The following CYBA variants were observed in gnomAD, a reference collection of about 807,000 sequenced individuals.
The protein encoded by CYBA is cytochrome b-245 alpha chain.
In CYBA, 21 loss-of-function variants were observed where a neutral mutation model predicts 20.8. That is an observed-to-expected ratio of 1.01 (90% CI 0.72 to 1.46). CYBA has a LOEUF of 1.46. CYBA is among the 40% of genes most tolerant of loss of function. CYBA has a pLI of 0.00. For missense variants in CYBA, 344 were observed against 287.0 expected, an observed-to-expected ratio of 1.20 and a Z score of -1.43; for synonymous variants, 164 against 127.5, an observed-to-expected ratio of 1.29 and a Z score of -1.93.
At chr16:88,650,423 A>T (rs1486318380) in intron 1 of CYBA, 1 of 457,686 alleles carries the variant, frequency 2.2e-6, no homozygotes, top group Non-Finnish European at 4.4e-6. Flanking sequence ...CAGGGCCGTC[A>T]CTGGGTGGTT....
At position 88,646,784 on chromosome 16, in the gene CYBA, A is replaced by T; in HGVS notation, c.258T>A (p.Asn86Lys). ...GATGCAGGACGGCCCGAACATAGTAATTCCTGGTAAAGGGCCCGAACAGCT... is the reference window on the plus strand; with the variant it reads ...GATGCAGGACGGCCCGAACATAGTATTTCCTGGTAAAGGGCCCGAACAGCT... ...VVKLFGPFTR[N>K]YYVRAVLHLL... The change falls in exon 4 of 6, where the codon AAT becomes AAA. Residue 86 changes from asparagine to lysine, a missense_variant. Coordinates refer to ENST00000261623, the MANE Select transcript of CYBA (RefSeq NM_000101.4). The T allele has an allele frequency of 6.2e-7, 1 of 1,613,932 alleles. No homozygotes were observed. The highest frequency in any genetic ancestry group is 8.5e-7 in the Non-Finnish European group (1 of 1,179,966).
intron 3 of CYBA, 100 bp from the exon 4 acceptor site, chr16:88,646,938 C>G: frequency 2.4e-6 from 3 of 1,238,718 alleles, no homozygotes; most frequent in Non-Finnish European, 3.5e-6. Context: ...GGCCTCTTTC[C>G]TCCCACAAAA....
intron 1 of CYBA, among the ~76,000 whole-genome samples, chr16:88,649,266 T>G (rs1014898753): frequency 1.3e-5 from 2 of 152,230 alleles, no homozygotes; most frequent in Admixed American, 1.3e-4. Flanking sequence ...CACATGGTCT[T>G]GTTGGAAGAT....
intron 2 of CYBA, 68 bp from the exon 3 acceptor site, chr16:88,647,243 A>C (rs914166090): frequency 2.0e-6 from 3 of 1,481,348 alleles, no homozygotes; most frequent in African/African-American, 2.8e-5. Context: ...CCTTTACTGA[A>C]GACAACACAG....
At chr16:88,646,502 C>CCAG (rs1393046950) in intron 4 of CYBA, 3 of 698,416 alleles carry the variant, frequency 4.3e-6, no homozygotes, top group Admixed American at 2.0e-5. Flanking sequence ...GCAAGACCCC[C>CCAG]CAGCAGTGCA....
intron 5 of CYBA, chr16:88,645,893 T>G: frequency 1.7e-6 from 1 of 586,438 alleles, no homozygotes; most frequent in Admixed American, 2.9e-5. Flanking sequence ...TGCGGGTTAA[T>G]GAGGAAATGC....
At chr16:88,644,162 C>A (rs547423814) in intron 5 of CYBA, among the ~76,000 whole-genome samples, 3 of 152,350 alleles carry the variant, frequency 2.0e-5, no homozygotes, top group African/African-American at 7.2e-5. Context: ...TGCTTTTCAT[C>A]TTCTATCCCA....
At chr16:88,644,167 A>G (rs921589032) in intron 5 of CYBA, among the ~76,000 whole-genome samples, 2 of 152,212 alleles carry the variant, frequency 1.3e-5, no homozygotes, top group Non-Finnish European at 2.9e-5. Flanking sequence ...TTCATCTTCT[A>G]TCCCATAATA....
chr16:88,650,612 G>T (rs1011153605), intron 1 of CYBA: 2 of 519,998 alleles, frequency 3.8e-6, no homozygotes, highest in African/African-American at 3.8e-5. Flanking sequence ...CCACTCGGGG[G>T]CTTCGGGGCG....
Position 88,647,188 on chromosome 16 carries a change from G to T in CYBA, c.129-13C>A. 6.2e-7 allele frequency: 1 copy of T among 1,611,420 alleles called. No individual in the cohort carries two copies. On this transcript the variant is annotated splice_polypyrimidine_tract_variant and intron_variant, in intron 2 of 5. Coordinates refer to ENST00000261623, the MANE Select transcript of CYBA (RefSeq NM_000101.4). ...CACGCCCGCCACACTGAAGCCATGT[G>T]GTTAAGGAACAGCCCAGCTCAGCCT...
chr16:88,645,777 C>A (rs1024463352), intron 5 of CYBA: 3 of 535,084 alleles, frequency 5.6e-6, no homozygotes, highest in Non-Finnish European at 1.0e-5. Flanking sequence ...AGCGCAGGCA[C>A]GGTCTTCGGC....
At chr16:88,648,953 T>A (rs986312145) in intron 1 of CYBA, among the ~76,000 whole-genome samples, 1 of 148,896 alleles carries the variant, frequency 6.7e-6, no homozygotes, top group East Asian at 2.0e-4. Context: ...TTTTTTTTTT[T>A]TGGAGACAGA....
chr16:88,648,146 G>C, intron 1 of CYBA, 32 bp from the exon 2 acceptor site: 3 of 1,595,804 alleles, frequency 1.9e-6, no homozygotes, highest in Non-Finnish European at 2.6e-6. Context: ...GCACTGTGGG[G>C]CTCCCGTCCC....
chr16:88,644,889 C>G (rs1907219392), intron 5 of CYBA: 1 of 509,846 alleles, frequency 2.0e-6, no homozygotes, highest in Non-Finnish European at 3.5e-6. Flanking sequence ...AGGATTTGAA[C>G]AGGCAACTCA....
intron 2 of CYBA, 117 bp downstream of exon 2, chr16:88,647,928 C>G: frequency 9.7e-7 from 1 of 1,034,244 alleles, no homozygotes; most frequent in Non-Finnish European, 1.5e-6. Flanking sequence ...ACAGCCCACC[C>G]TGTGTCCCAG....
Position 88,643,503 on chromosome 16 carries a change from G to A in CYBA, c.438C>T (p.Gly146=), listed in dbSNP as rs1362512274. The part of the protein sequence containing the change: ...PKPRERPQIG[G]TIKQPPSNPP... ...GGTTGCTGGGCGGCTGCTTGATGGT[G>A]CCTCCGATCTGCGGCCGCTCCCGGG... Residue 146 remains glycine (G), a synonymous_variant, in exon 6 of 6, where the codon GGC becomes GGT. Transcript: ENST00000261623. The surrounding 1 kb of genome is among the most constrained non-coding windows in gnomAD (Gnocchi z 4.3). 4 of 1,534,290 alleles carry A rather than the reference G, an allele frequency of 2.6e-6. No homozygotes were observed. The highest frequency in any genetic ancestry group is 3.5e-6 in the Non-Finnish European group (4 of 1,146,102).
At chr16:88,645,023 A>G (rs542459681) in intron 5 of CYBA, 1 of 624,400 alleles carries the variant, frequency 1.6e-6, no homozygotes, top group Non-Finnish European at 2.9e-6. Context: ...GGTGGGAGAG[A>G]TGGGGCCACA....
intron 1 of CYBA, among the ~76,000 whole-genome samples, chr16:88,649,154 G>A (rs948439458): frequency 1.3e-5 from 2 of 150,744 alleles, no homozygotes; most frequent in Non-Finnish European, 2.9e-5. Context: ...AGCCAGGATG[G>A]TCTCGATCTC....
In CYBA at chr16:88,643,571, C is replaced by T; in HGVS notation, c.370G>A (p.Ala124Thr). ...GTCCACTGCTCGCCACGCACAGCCGCCTGCGGGGCACTGAAGGGTTGAGCC... is the reference window on the plus strand; with the variant it reads ...GTCCACTGCTCGCCACGCACAGCCGTCTGCGGGGCACTGAAGGGTTGAGCC... ...LAIASGIYLL[A>T]AVRGEQWTPI... Residue 124 changes from alanine to threonine, a missense_variant and splice_region_variant, in exon 6 of 6, where the codon GCG becomes ACG. Physicochemically the swap from Ala to Thr is moderately conservative, Grantham distance 58 (BLOSUM62 0). Coordinates refer to ENST00000261623, the MANE Select transcript of CYBA (RefSeq NM_000101.4). This position sits in a 1 kb window ranked among gnomAD's most constrained non-coding sequence, Gnocchi z 4.3. The T allele has an allele frequency of 6.5e-7, 1 of 1,532,588 alleles. No homozygotes were observed. Among genetic ancestry groups the T allele is most frequent in the Non-Finnish European group, 8.7e-7 (1 of 1,145,490 alleles). The allele number at this position is 1,532,588 out of a possible 1,614,324, so 94.9% of individuals were successfully genotyped here. A position where few individuals can be genotyped will look rare whatever the true frequency, so the allele number is the denominator to read the frequency against.
Sources: allele counts gnomAD v4.1 joint callset (sites outside exome capture counted in the v4.1 genomes callset), GRCh38; gene constraint gnomAD v4.1.1; non-coding constraint Gnocchi (gnomAD v3.1); transcripts MANE v1.5; gene names NCBI Gene and HGNC (gene_info 2026-07-23, HGNC 2026-07-21).